The following SHISA9 variants were observed in gnomAD, a reference collection of about 807,000 sequenced individuals.
SHISA9 encodes the protein protein shisa-9.
Under a neutral mutation model 38.0 loss-of-function variants are expected in SHISA9, and 13 were observed. That is an observed-to-expected ratio of 0.34 (90% CI 0.22 to 0.54). The LOEUF (loss-of-function observed/expected upper bound fraction) is 0.54, where lower values mean the gene tolerates loss of function less well. Among genes scored for constraint, SHISA9 ranks in the 20% least tolerant of loss-of-function variants. The pLI, the probability that SHISA9 is intolerant of heterozygous loss-of-function variation, is 0.91. For missense variants in SHISA9, 538 were observed against 575.8 expected (o/e 0.93, Z 0.67); for synonymous variants, 275 against 242.0 (o/e 1.14, Z -1.27).
chr16:13,402,662 C>A, the SHISA9 span, among the ~76,000 whole-genome samples: 1 of 152,088 alleles, frequency 6.6e-6, no homozygotes, highest in Non-Finnish European at 1.5e-5. Flanking sequence ...CAGGCACAGG[C>A]CGCCACGCCC....
the SHISA9 span, among the ~76,000 whole-genome samples, chr16:13,382,299 G>C: frequency 6.6e-6 from 1 of 151,512 alleles, no homozygotes; most frequent in Non-Finnish European, 1.5e-5. Context: ...AGGCTGAGGA[G>C]GGTGGATCAC....
chr16:12,931,110 G>A (rs1017200281), intron 2 of SHISA9, among the ~76,000 whole-genome samples: 1 of 152,182 alleles, frequency 6.6e-6, no homozygotes, highest in Non-Finnish European at 1.5e-5. Context: ...AATGCTGGGA[G>A]CATCCCCTGT....
the SHISA9 span, among the ~76,000 whole-genome samples, chr16:13,311,494 C>A: frequency 6.6e-6 from 1 of 152,066 alleles, no homozygotes; most frequent in African/African-American, 2.4e-5. Flanking sequence ...CCTTTTAACT[C>A]CTGGGAGGGA....
chr16:13,314,033 A>C, the SHISA9 span, among the ~76,000 whole-genome samples: 60 of 147,066 alleles, frequency 4.1e-4, no homozygotes, highest in Non-Finnish European at 4.3e-4. Context: ...TGCTCTGCTA[A>C]CAATAAGCTG....
rs1288250971 is a variant in SHISA9 at position 13,127,779 on chromosome 16, T to C, written c.692-75615T>C. Among the ~76,000 whole-genome samples the C allele has an allele frequency of 6.6e-5, 10 of 152,280 alleles. No homozygotes were observed. In the East Asian group the frequency reaches 1.7e-3, roughly 27 times the overall value. ...AACCACGTCTATTTCACACAGTTGT[T>C]GTGGGGATTAAGCCATAAAATCACA... On this transcript the variant is annotated intron_variant, in intron 2 of 4. Transcript: ENST00000558583.
chr16:13,485,366 T>A, the SHISA9 span, among the ~76,000 whole-genome samples: 1 of 152,172 alleles, frequency 6.6e-6, no homozygotes, highest in Non-Finnish European at 1.5e-5. Flanking sequence ...GCAAAGGACA[T>A]GAGCTCATTC....
the SHISA9 span, among the ~76,000 whole-genome samples, chr16:13,423,588 T>C: frequency 1.3e-5 from 2 of 152,206 alleles, no homozygotes; most frequent in Admixed American, 6.5e-5. Context: ...ATTTTTCTAT[T>C]GCTGCATAAC....
At chr16:13,525,600 A>G in the SHISA9 span, among the ~76,000 whole-genome samples, 1 of 152,208 alleles carries the variant, frequency 6.6e-6, no homozygotes, top group Non-Finnish European at 1.5e-5. Flanking sequence ...ACATCCACCC[A>G]CCACTTGAAA....
chr16:13,534,938 A>T, the SHISA9 span, among the ~76,000 whole-genome samples: 1 of 151,906 alleles, frequency 6.6e-6, no homozygotes, highest in Non-Finnish European at 1.5e-5. Flanking sequence ...TTGCTCGCCA[A>T]CCTTTCCACA....
At chr16:13,168,241 T>C (rs745661775) in intron 2 of SHISA9, among the ~76,000 whole-genome samples, 2 of 152,194 alleles carry the variant, frequency 1.3e-5, no homozygotes, top group African/African-American at 2.4e-5. Context: ...GGCCAGTGAT[T>C]AAGATTTAGC....
chr16:13,140,342 A>G (rs1397449908), intron 2 of SHISA9, among the ~76,000 whole-genome samples: 1 of 151,622 alleles, frequency 6.6e-6, no homozygotes, highest in Non-Finnish European at 1.5e-5. Context: ...ACAACCAGCT[A>G]ATTTTTGTAT....
chr16:13,196,562 A>G (rs1272712487), intron 2 of SHISA9, among the ~76,000 whole-genome samples: 1 of 152,220 alleles, frequency 6.6e-6, no homozygotes, highest in Non-Finnish European at 1.5e-5. Context: ...TATGGTACCT[A>G]GATATTTTGA....
the SHISA9 span, among the ~76,000 whole-genome samples, chr16:13,379,463 C>A: frequency 5.9e-5 from 9 of 152,210 alleles, no homozygotes; most frequent in Admixed American, 2.0e-4. Flanking sequence ...CCACTTCCCT[C>A]CTCCTGCTCC....
chr16:13,141,041 A>G, intron 2 of SHISA9, among the ~76,000 whole-genome samples: 1 of 152,212 alleles, frequency 6.6e-6, no homozygotes, highest in East Asian at 1.9e-4. Context: ...ATGGTAGAAC[A>G]ACAGTGAAGC....
the SHISA9 span, among the ~76,000 whole-genome samples, chr16:13,536,299 C>A: frequency 0.82 from 125,358 of 152,172 alleles, 51,858 homozygotes; most frequent in East Asian, 0.99. Flanking sequence ...ACCTGGCCTG[C>A]GTTTGTTTTT....
the SHISA9 span, among the ~76,000 whole-genome samples, chr16:13,371,433 C>T: frequency 1.3e-5 from 2 of 152,150 alleles, no homozygotes; most frequent in South Asian, 4.1e-4. Flanking sequence ...GATTCTTGAT[C>T]CTGGCTGCAC....
At chr16:13,260,649 A>G in the SHISA9 span, among the ~76,000 whole-genome samples, 4 of 152,190 alleles carry the variant, frequency 2.6e-5, no homozygotes, top group African/African-American at 4.8e-5. Flanking sequence ...GGGCAAAGCC[A>G]TTCAATGAGT....
At chr16:12,909,123 T>C (rs1207119520) in intron 1 of SHISA9, 2 of 985,894 alleles carry the variant, frequency 2.0e-6, no homozygotes, top group African/African-American at 1.7e-5. Flanking sequence ...TGCATGCATC[T>C]ACTGTTGGCC....
At chr16:13,188,372 A>C (rs1013872758) in intron 2 of SHISA9, among the ~76,000 whole-genome samples, 6 of 152,062 alleles carry the variant, frequency 3.9e-5, no homozygotes, top group African/African-American at 1.4e-4. Context: ...GAGTGAGGCT[A>C]AGTACTGGAA....
Sources: gnomAD v4.1 joint callset for allele counts (sites outside exome capture counted in the v4.1 genomes callset) on GRCh38, gnomAD v4.1.1 for gene constraint, MANE v1.5 for transcripts, NCBI Gene and HGNC (gene_info 2026-07-23, HGNC 2026-07-21) for gene names.